The following LRRN2 variants were observed in gnomAD, a reference collection of about 807,000 sequenced individuals.
LRRN2 encodes the protein leucine rich repeat neuronal 2.
A neutral mutation model predicts 35.7 loss-of-function variants in LRRN2; 10 were observed. The observed-to-expected ratio is 0.28, with a 90% CI of 0.17 to 0.47. The LOEUF (loss-of-function observed/expected upper bound fraction) is 0.47, where lower values mean the gene tolerates loss of function less well. Among genes scored for constraint, LRRN2 ranks in the 20% least tolerant of loss-of-function variants. The pLI, the probability that LRRN2 is intolerant of heterozygous loss-of-function variation, is 0.99. For missense variants in LRRN2, 731 were observed against 940.3 expected (o/e 0.78, Z 2.91); for synonymous variants, 391 against 409.6 (o/e 0.95, Z 0.55).
At chr1:204,663,538 C>T (rs1030662405) in intron 1 of LRRN2, among the ~76,000 whole-genome samples, 4 of 152,092 alleles carry the variant, frequency 2.6e-5, no homozygotes, top group African/African-American at 4.8e-5. Flanking sequence ...CCCAAGCAAA[C>T]GTTTTTAGCC....
chr1:204,632,680 C>T (rs1250190168), intron 1 of LRRN2, among the ~76,000 whole-genome samples: 2 of 151,118 alleles, frequency 1.3e-5, no homozygotes, highest in African/African-American at 4.9e-5. Flanking sequence ...ACCTGTAATC[C>T]CAGCACTTTG....
chr1:204,627,865 G>A (rs1667517305), intron 1 of LRRN2, among the ~76,000 whole-genome samples: 1 of 152,214 alleles, frequency 6.6e-6, no homozygotes, highest in Non-Finnish European at 1.5e-5. Flanking sequence ...TCTGAGGCAG[G>A]AACTGTGCTT....
intron 1 of LRRN2, among the ~76,000 whole-genome samples, chr1:204,679,984 AAGG>A (rs1208762682): frequency 6.6e-6 from 1 of 152,082 alleles, no homozygotes. Context: ...GGAGGGAGGG[AAGG>A]AGGAGAATGG....
chr1:204,677,595 G>C (rs1045297915), intron 1 of LRRN2, among the ~76,000 whole-genome samples: 1 of 152,202 alleles, frequency 6.6e-6, no homozygotes, highest in African/African-American at 2.4e-5. Context: ...AGGGAGAAGA[G>C]AAGCTGCTGC....
chr1:204,631,262 AT>A (rs71690116), intron 1 of LRRN2, among the ~76,000 whole-genome samples: 1,984 of 37,552 alleles, frequency 0.053, 163 homozygotes, highest in Non-Finnish European at 0.077. Context: ...TGTTCTATAT[AT>A]ATATATATAT....
At position 204,618,427 on chromosome 1, in the gene LRRN2, G is replaced by A; in HGVS notation, c.1566C>T (p.Gly522=). 1 of 1,614,116 alleles carries A rather than the reference G, an allele frequency of 6.2e-7. No individual in the cohort carries two copies. The highest frequency in any genetic ancestry group is 8.5e-7 in the Non-Finnish European group (1 of 1,179,978). The part of the protein sequence containing the change: ...VVVGRALLQP[G]RDEGQGLELR... ...GCTCCAGCCCCTGTCCTTCGTCCCT[G>A]CCTGGCTGGAGGAGAGCACGGCCCA... is the stretch of plus-strand genomic sequence containing the variant. The change falls in exon 2 of 2, where the codon GGC becomes GGT. Residue 522 remains glycine (G), a synonymous_variant. Transcript: ENST00000367177.
At chr1:204,636,417 AG>A (rs1230609121) in intron 1 of LRRN2, among the ~76,000 whole-genome samples, 1 of 152,238 alleles carries the variant, frequency 6.6e-6, no homozygotes, top group Non-Finnish European at 1.5e-5. Context: ...GCTGCACCAT[AG>A]AATTACATGG....
intron 1 of LRRN2, among the ~76,000 whole-genome samples, chr1:204,635,168 T>A (rs1667803092): frequency 6.6e-6 from 1 of 152,174 alleles, no homozygotes; most frequent in Non-Finnish European, 1.5e-5. Context: ...GCATAAAAGA[T>A]GTTTTTGTTG....
intron 1 of LRRN2, among the ~76,000 whole-genome samples, chr1:204,639,987 T>C (rs1212194313): frequency 6.6e-6 from 1 of 152,232 alleles, no homozygotes; most frequent in South Asian, 2.1e-4. Flanking sequence ...ATAATTCATA[T>C]ACCATAAATT....
chr1:204,628,555 C>T (rs1339248369), intron 1 of LRRN2: 3 of 152,230 alleles, frequency 2.0e-5, no homozygotes, highest in African/African-American at 4.8e-5. Context: ...GGCACATTTC[C>T]CTGGGGGCGC....
chr1:204,662,770 C>T (rs1390614098), intron 1 of LRRN2, among the ~76,000 whole-genome samples: 1 of 152,198 alleles, frequency 6.6e-6, no homozygotes, highest in East Asian at 1.9e-4. Flanking sequence ...AACTTTGCCA[C>T]AATATCTTAT....
intron 1 of LRRN2, among the ~76,000 whole-genome samples, chr1:204,625,408 C>G (rs1667268819): frequency 6.6e-6 from 1 of 152,150 alleles, no homozygotes; most frequent in African/African-American, 2.4e-5. Flanking sequence ...AATTTTAATA[C>G]TAATACTAAT....
At chr1:204,657,031 G>A (rs971723906) in intron 1 of LRRN2, among the ~76,000 whole-genome samples, 17 of 152,158 alleles carry the variant, frequency 1.1e-4, no homozygotes, top group East Asian at 3.8e-4. Context: ...TCTGACAGGC[G>A]TGGTGGCTCA....
intron 1 of LRRN2, among the ~76,000 whole-genome samples, chr1:204,636,057 C>A (rs1006056378): frequency 6.6e-6 from 1 of 152,186 alleles, no homozygotes. Context: ...ATGTCACCAG[C>A]CCCATCTTTG....
At chr1:204,655,194 G>C (rs531081793) in intron 1 of LRRN2, among the ~76,000 whole-genome samples, 1 of 152,376 alleles carries the variant, frequency 6.6e-6, no homozygotes, top group East Asian at 1.9e-4. Flanking sequence ...TAAGTTCTCC[G>C]ACAGCGGAAC....
Position 204,618,904 on chromosome 1 carries a change from C to T in LRRN2, c.1089G>A (p.Glu363=). The change falls in exon 2 of 2, where the codon GAG becomes GAA. Residue 363 remains glutamate, a synonymous_variant. Coordinates refer to ENST00000367177, the MANE Select transcript of LRRN2 (RefSeq NM_201630.2). ...GGATGGGGTTGCCGTGGAGACCTAC[C>T]TCCTGCAGGTTGGGCAGGGACTCCA... is the stretch of plus-strand genomic sequence containing the variant. ...QTVESLPNLQ[E]VGLHGNPIRC... The T allele has an allele frequency of 1.2e-6, 2 of 1,614,162 alleles. No homozygotes were observed. Among genetic ancestry groups the T allele is most frequent in the South Asian group, 1.1e-5 (1 of 91,070 alleles).
rs1429713165 is a variant in LRRN2 at position 204,617,747 on chromosome 1, G to A, written c.*104C>T. The A allele has an allele frequency of 1.6e-5, 21 of 1,278,066 alleles. No homozygotes were observed. Among genetic ancestry groups the A allele is most frequent in the East Asian group, 2.3e-5 (1 of 43,072 alleles). 79.2% of individuals were successfully genotyped at this position (1,278,066 alleles called of 1,614,324 possible). A position where few individuals can be genotyped will look rare whatever the true frequency, so the allele number is the denominator to read the frequency against. On this transcript the variant is annotated 3_prime_UTR_variant, in exon 2 of 2. Coordinates refer to ENST00000367177, the MANE Select transcript of LRRN2 (RefSeq NM_201630.2). ...GGCCCAGCTGCCAGGCCTCAAGCAC[G>A]TGGGTCCATGTCCCTTTCCTGGCAG...
chr1:204,673,064 C>T (rs1571683419), intron 1 of LRRN2, among the ~76,000 whole-genome samples: 1 of 152,276 alleles, frequency 6.6e-6, no homozygotes, highest in East Asian at 1.9e-4. Context: ...TTCCGAAGGG[C>T]CCTCCCTCTC....
intron 1 of LRRN2, among the ~76,000 whole-genome samples, chr1:204,668,302 T>G (rs1028426793): frequency 6.6e-6 from 1 of 152,114 alleles, no homozygotes; most frequent in African/African-American, 2.4e-5. Flanking sequence ...GCAGTAGAGA[T>G]AGCACGGAAA....
Sources: allele counts gnomAD v4.1 joint callset (sites outside exome capture counted in the v4.1 genomes callset), GRCh38; gene constraint gnomAD v4.1.1; transcripts MANE v1.5; gene names NCBI Gene and HGNC (gene_info 2026-07-23, HGNC 2026-07-21).